PTPRD: variants seen among roughly 807,000 people sequenced by gnomAD.
PTPRD encodes protein tyrosine phosphatase receptor type D.
A neutral mutation model predicts 214.5 loss-of-function variants in PTPRD; 34 were observed. The ratio of observed to expected loss-of-function variants is 0.16; its 90% CI spans 0.12 to 0.21. The LOEUF (loss-of-function observed/expected upper bound fraction) is 0.21. Among genes scored for constraint, PTPRD ranks in the 10% least tolerant of loss-of-function variants. PTPRD has a pLI of 1.00. For missense variants in PTPRD, 2,545 were observed against 2,398.7 expected (o/e 1.06, Z -1.27); for synonymous variants, 1,128 against 845.7 (o/e 1.33, Z -5.79).
At chr9:9,577,082 C>T (rs1471457085) in intron 7 of PTPRD, among the ~76,000 whole-genome samples, 2 of 152,080 alleles carry the variant, frequency 1.3e-5, no homozygotes, top group Non-Finnish European at 2.9e-5. Flanking sequence ...ATGGCTCATA[C>T]TTAAGTTCAG....
intron 2 of PTPRD, among the ~76,000 whole-genome samples, chr9:10,461,120 T>C (rs538537274): frequency 6.6e-6 from 1 of 152,002 alleles, no homozygotes; most frequent in South Asian, 2.1e-4. Flanking sequence ...GACATAAAAA[T>C]GTCTAACAAG....
At chr9:8,436,888 T>C (rs1433599376) in intron 34 of PTPRD, among the ~76,000 whole-genome samples, 199 bp from the exon 35 acceptor site, 2 of 152,172 alleles carry the variant, frequency 1.3e-5, no homozygotes, top group Admixed American at 6.5e-5. Flanking sequence ...TGTAGCCAAA[T>C]GAAAAGTCAC....
At position 8,666,847 on chromosome 9, in the gene PTPRD, C is replaced by T. The variant is rs141255561; in HGVS notation, c.65-30003G>A. Reference sequence around the variant, plus strand: ...AACAATACATATCACTTTGGCCATCCATGACCTCCGCCTTCTCAAACTGAT... The same window carrying T: ...AACAATACATATCACTTTGGCCATCTATGACCTCCGCCTTCTCAAACTGAT... On this transcript the variant is annotated intron_variant, in intron 12 of 45. Coordinates refer to ENST00000381196, the MANE Select transcript of PTPRD (RefSeq NM_002839.4). Among the ~76,000 whole-genome samples the T allele has an allele frequency of 1.3e-3, 191 of 152,312 alleles. 1 individual carries two copies. The highest frequency in any genetic ancestry group is 4.4e-3 in the African/African-American group (181 of 41,574).
intron 14 of PTPRD, among the ~76,000 whole-genome samples, chr9:8,599,372 C>T (rs1378100354): frequency 6.6e-6 from 1 of 152,084 alleles, no homozygotes; most frequent in Non-Finnish European, 1.5e-5. Context: ...CCTGAATGCA[C>T]CCCATCTCTT....
At chr9:10,427,511 T>C (rs182099147) in intron 2 of PTPRD, among the ~76,000 whole-genome samples, 1 of 152,040 alleles carries the variant, frequency 6.6e-6, no homozygotes, top group African/African-American at 2.4e-5. Flanking sequence ...AGATGGCCCA[T>C]CGGCAGCTGA....
chr9:10,566,416 A>C (rs2131728031), intron 2 of PTPRD, among the ~76,000 whole-genome samples: 1 of 152,130 alleles, frequency 6.6e-6, no homozygotes, highest in Non-Finnish European at 1.5e-5. Context: ...CAGTCTTAGT[A>C]ATATTTAGTA....
intron 3 of PTPRD, among the ~76,000 whole-genome samples, chr9:10,192,746 A>T (rs193175230): frequency 1.3e-5 from 2 of 152,296 alleles, no homozygotes; most frequent in East Asian, 3.9e-4. Context: ...AACTAGAGAG[A>T]GATAACCACT....
chr9:8,969,088 T>G (rs1028706975), intron 11 of PTPRD, among the ~76,000 whole-genome samples: 3 of 152,164 alleles, frequency 2.0e-5, no homozygotes, highest in Middle Eastern at 3.4e-3. Context: ...GAACCACTCC[T>G]CCTCCTCATC....
intron 5 of PTPRD, among the ~76,000 whole-genome samples, chr9:9,793,207 A>C (rs541958719): frequency 1.3e-5 from 2 of 152,246 alleles, no homozygotes; most frequent in East Asian, 3.9e-4. Flanking sequence ...CTATTATCAT[A>C]AGTTGATAGA....
chr9:8,711,615 A>G (rs2098333763), intron 12 of PTPRD, among the ~76,000 whole-genome samples: 1 of 152,212 alleles, frequency 6.6e-6, no homozygotes, highest in Admixed American at 6.5e-5. Context: ...ATTGCCCAGC[A>G]GGACCATGTA....
At chr9:10,362,300 C>G (rs2097407920) in intron 2 of PTPRD, among the ~76,000 whole-genome samples, 1 of 151,522 alleles carries the variant, frequency 6.6e-6, no homozygotes, top group Non-Finnish European at 1.5e-5. Flanking sequence ...TGTATTTCGG[C>G]CCCATTGATC....
At chr9:8,957,666 T>C (rs1343838917) in intron 11 of PTPRD, among the ~76,000 whole-genome samples, 1 of 151,902 alleles carries the variant, frequency 6.6e-6, no homozygotes, top group Non-Finnish European at 1.5e-5. Flanking sequence ...GTACATCTCA[T>C]CTGCAGCTGA....
intron 7 of PTPRD, among the ~76,000 whole-genome samples, chr9:9,713,941 GAA>G (rs1233443959): frequency 6.6e-6 from 1 of 151,912 alleles, no homozygotes; most frequent in African/African-American, 2.4e-5. Context: ...GAACTTCCAG[GAA>G]GGTAGGTTAC....
At chr9:9,801,997 AAGTTGGTG>A (rs1185011334) in intron 5 of PTPRD, among the ~76,000 whole-genome samples, 1 of 152,062 alleles carries the variant, frequency 6.6e-6, no homozygotes, top group East Asian at 1.9e-4. Context: ...GATATATGGC[AAGTTGGTG>A]AGTATTGAGA....
intron 3 of PTPRD, among the ~76,000 whole-genome samples, chr9:10,147,645 C>T (rs1028527584): frequency 1.3e-5 from 2 of 152,040 alleles, no homozygotes; most frequent in Admixed American, 6.6e-5. Context: ...TTTAGGATGC[C>T]AAGGTGTGTG....
chr9:9,459,762 C>A (rs79440165), intron 8 of PTPRD, among the ~76,000 whole-genome samples: 2,479 of 152,100 alleles, frequency 0.016, 71 homozygotes, highest in African/African-American at 0.057. Context: ...TAAAATGACC[C>A]TACTTTCTTA....
intron 9 of PTPRD, among the ~76,000 whole-genome samples, chr9:9,327,858 T>C (rs1354523084): frequency 6.6e-6 from 1 of 151,854 alleles, no homozygotes; most frequent in Non-Finnish European, 1.5e-5. Context: ...AAGAATTGTT[T>C]TGGGCCACAC....
chr9:9,832,222 G>GA (rs1318583915), intron 5 of PTPRD, among the ~76,000 whole-genome samples: 1 of 151,948 alleles, frequency 6.6e-6, no homozygotes, highest in Non-Finnish European at 1.5e-5. Flanking sequence ...ATTTTAATGG[G>GA]AAGTAGATCT....
intron 5 of PTPRD, among the ~76,000 whole-genome samples, chr9:9,803,169 T>C (rs1362766788): frequency 4.6e-5 from 7 of 151,328 alleles, no homozygotes; most frequent in East Asian, 1.9e-4. Context: ...TCACTGAAAA[T>C]TGTGGTGGTC....
Sources: allele counts gnomAD v4.1 joint callset (sites outside exome capture counted in the v4.1 genomes callset), GRCh38; gene constraint gnomAD v4.1.1; transcripts MANE v1.5; gene names NCBI Gene and HGNC (gene_info 2026-07-23, HGNC 2026-07-21).